WDR37: variants seen among roughly 807,000 people sequenced by gnomAD.
WDR37 encodes the protein WD repeat-containing protein 37.
A neutral mutation model predicts 62.9 loss-of-function variants in WDR37; 19 were observed. The ratio of observed to expected loss-of-function variants is 0.30; its 90% confidence interval spans 0.21 to 0.44. The LOEUF (loss-of-function observed/expected upper bound fraction) is 0.44, where lower values mean the gene tolerates loss of function less well. Ranked by LOEUF, WDR37 falls within the 20% of genes least tolerant of loss-of-function variation. The pLI is 1.00. For missense variants in WDR37, 474 were observed against 657.6 expected, an observed-to-expected ratio of 0.72 and a Z score of 3.05; for synonymous variants, 250 against 260.9, an observed-to-expected ratio of 0.96 and a Z score of 0.40.
intron 2 of WDR37, among the ~76,000 whole-genome samples, chr10:1,073,678 A>G (rs928718295): frequency 3.9e-5 from 6 of 152,152 alleles, no homozygotes; most frequent in African/African-American, 7.2e-5. Flanking sequence ...TGGTCCTTCC[A>G]GGCAGCTGGA....
chr10:1,098,325 C>G (rs1373600551), intron 9 of WDR37, among the ~76,000 whole-genome samples: 1 of 136,192 alleles, frequency 7.3e-6, no homozygotes, highest in African/African-American at 2.7e-5. Flanking sequence ...CCCATCTGTC[C>G]GTTTTTTTTT....
chr10:1,059,734 T>A (rs1833312812), intron 1 of WDR37, among the ~76,000 whole-genome samples: 1 of 151,616 alleles, frequency 6.6e-6, no homozygotes, highest in South Asian at 2.1e-4. Flanking sequence ...GAGGTGGAGG[T>A]TGCAGTGGGT....
intron 4 of WDR37, 72 bp from the exon 5 acceptor site, chr10:1,080,340 C>G (rs1317969116): frequency 6.9e-6 from 11 of 1,583,000 alleles, no homozygotes; most frequent in Non-Finnish European, 9.5e-6. Flanking sequence ...GTGCAAGACA[C>G]AAGACCCATT....
chr10:1,087,438 G>A (rs1016009857), intron 7 of WDR37, among the ~76,000 whole-genome samples: 6 of 152,184 alleles, frequency 3.9e-5, no homozygotes, highest in Non-Finnish European at 8.8e-5. Flanking sequence ...AAATATATGT[G>A]CATAGGTTAA....
At chr10:1,109,714 C>T (rs1329977276) in intron 11 of WDR37, among the ~76,000 whole-genome samples, 2 of 151,440 alleles carry the variant, frequency 1.3e-5, no homozygotes, top group African/African-American at 4.9e-5. Context: ...CAAACTCCGT[C>T]TCAGAAAAAA....
chr10:1,062,023 G>A (rs912847642), intron 1 of WDR37, among the ~76,000 whole-genome samples: 11 of 151,330 alleles, frequency 7.3e-5, no homozygotes, highest in Non-Finnish European at 1.3e-4. Flanking sequence ...TTTTTGGGGG[G>A]GCCAAGGACT....
At chr10:1,122,383 C>T (rs986888657) in intron 11 of WDR37, among the ~76,000 whole-genome samples, 1 of 152,120 alleles carries the variant, frequency 6.6e-6, no homozygotes, top group Non-Finnish European at 1.5e-5. Flanking sequence ...GTTTTTGTGC[C>T]CTGGGAGACA....
Position 1,121,657 on chromosome 10 carries a change from CT to C in WDR37, c.1104-2560del, listed in dbSNP as rs988996229. Among the ~76,000 whole-genome samples the C allele has an allele frequency of 1.3e-5, 2 of 152,168 alleles. No individual in the cohort carries two copies. Among genetic ancestry groups the C allele is most frequent in the African/African-American group, 4.8e-5 (2 of 41,420 alleles). ...CAGGAGACAGTGTTTGTTGTCACCC[CT>C]GGGGAGGGGTCTGCTCTAGTTTCTA... On this transcript the variant is annotated intron_variant, in intron 11 of 13. Coordinates refer to ENST00000263150, the MANE Select transcript of WDR37 (RefSeq NM_014023.4). This position sits in a 1 kb window ranked among gnomAD's most constrained non-coding sequence, Gnocchi z 4.5.
intron 11 of WDR37, among the ~76,000 whole-genome samples, chr10:1,123,320 C>A (rs1835644380): frequency 6.6e-6 from 1 of 152,150 alleles, no homozygotes; most frequent in Non-Finnish European, 1.5e-5. Context: ...ACTTCAGTGG[C>A]ATTAAATCAA....
intron 11 of WDR37, among the ~76,000 whole-genome samples, chr10:1,108,742 C>G (rs1044063357): frequency 7.6e-6 from 1 of 131,804 alleles, no homozygotes; most frequent in Admixed American, 7.4e-5. Context: ...CTGTGATGCC[C>G]CCCCCCCCCG....
chr10:1,090,735 C>G (rs555307577), intron 7 of WDR37, among the ~76,000 whole-genome samples: 132 of 152,322 alleles, frequency 8.7e-4, no homozygotes, highest in Admixed American at 2.0e-3. Flanking sequence ...TTGTTCTTCT[C>G]TCTTTAGATT....
In WDR37 at chr10:1,103,883, T is replaced by C. The variant is rs1834903735; in HGVS notation, c.961+47T>C. On this transcript the variant is annotated intron_variant, in intron 10 of 13. Transcript: ENST00000263150. The surrounding 1 kb of genome is among the most constrained non-coding windows in gnomAD (Gnocchi z 6.3). ...GCCGCCTCCTGGCTGTGCATGTTAGTTTATGTCCATGGGTTATGTCTGACC... is the reference window on the plus strand; with the variant it reads ...GCCGCCTCCTGGCTGTGCATGTTAGCTTATGTCCATGGGTTATGTCTGACC... The C allele has an allele frequency of 6.3e-7, 1 of 1,580,552 alleles. No homozygotes were observed. Among genetic ancestry groups the C allele is most frequent in the African/African-American group, 1.3e-5 (1 of 74,232 alleles).
chr10:1,069,246 C>G (rs1057051534), intron 1 of WDR37, among the ~76,000 whole-genome samples: 20 of 151,432 alleles, frequency 1.3e-4, no homozygotes, highest in African/African-American at 4.9e-4. Flanking sequence ...TACATTTACC[C>G]TGTGACTGAG....
intron 7 of WDR37, among the ~76,000 whole-genome samples, chr10:1,086,608 A>G (rs1834209871): frequency 6.6e-6 from 1 of 152,326 alleles, no homozygotes; most frequent in Non-Finnish European, 1.5e-5. Flanking sequence ...TTAATATTGT[A>G]TATAACCCAT....
chr10:1,064,191 G>A (rs1405510983), intron 1 of WDR37, among the ~76,000 whole-genome samples: 1 of 152,188 alleles, frequency 6.6e-6, no homozygotes, highest in Admixed American at 6.5e-5. Context: ...GCAGCAGAAA[G>A]GAGAGGACAG....
chr10:1,106,254 C>A (rs185195089), intron 11 of WDR37, among the ~76,000 whole-genome samples: 20 of 152,184 alleles, frequency 1.3e-4, no homozygotes, highest in African/African-American at 4.6e-4. Flanking sequence ...CCCATCATGC[C>A]CCACTGTGGT....
chr10:1,108,087 A>G (rs1204636884), intron 11 of WDR37, among the ~76,000 whole-genome samples: 1 of 152,226 alleles, frequency 6.6e-6, no homozygotes, highest in African/African-American at 2.4e-5. Context: ...TCCAGCATGC[A>G]TTTTCTAAGA....
intron 13 of WDR37, among the ~76,000 whole-genome samples, chr10:1,126,297 T>C (rs980560798): frequency 1.3e-5 from 2 of 150,830 alleles, no homozygotes; most frequent in South Asian, 2.1e-4. Context: ...TCCCAGCTAC[T>C]CGGGAGGCTG....
rs192691643 is a variant in WDR37 at position 1,114,578 on chromosome 10, C to T, written c.1103+9311C>T. On this transcript the variant is annotated intron_variant, in intron 11 of 13. Coordinates refer to ENST00000263150, the MANE Select transcript of WDR37 (RefSeq NM_014023.4). ...AGACTACAGGATGGTGTGGCTATGG[C>T]TTCTGTATGCACCGGAAAACCAGAC... Among the ~76,000 whole-genome samples, 893 of 152,298 alleles carry T rather than the reference C, an allele frequency of 5.9e-3. 5 individuals are homozygous for T. Among genetic ancestry groups the T allele is most frequent in the Admixed American group, 0.01 (158 of 15,306 alleles).
Sources: allele counts gnomAD v4.1 joint callset (sites outside exome capture counted in the v4.1 genomes callset), GRCh38; gene constraint gnomAD v4.1.1; non-coding constraint Gnocchi (gnomAD v3.1); transcripts MANE v1.5; gene names NCBI Gene and HGNC (gene_info 2026-07-23, HGNC 2026-07-21).